The following KRT6C variants were observed in gnomAD, a reference collection of about 807,000 sequenced individuals.
KRT6C encodes the protein keratin, type II cytoskeletal 6C.
KRT6C carries 46 observed loss-of-function variants against 49.4 expected under a neutral mutation model. The ratio of observed to expected loss-of-function variants is 0.93; its 90% CI spans 0.74 to 1.19. The LOEUF (loss-of-function observed/expected upper bound fraction) is 1.19. KRT6C is among the 50% of genes most tolerant of loss of function. KRT6C has a pLI of 0.00. For missense variants in KRT6C, 552 were observed against 737.5 expected (o/e 0.75, Z 2.91); for synonymous variants, 236 against 297.1 (o/e 0.79, Z 2.12).
In KRT6C at chr12:52,472,130, C is replaced by A. The variant is rs777249121; in HGVS notation, c.691G>T (p.Glu231Ter). 3.2e-6 allele frequency: 5 copies of A among 1,556,682 alleles called. No homozygotes were observed. The highest frequency in any genetic ancestry group is 2.2e-5 in the South Asian group (2 of 90,088). ...AGCTCCGAGTCCAGGCGGCCCCGTT[C>A]CCCGACGATGCTGTCCAGCTGCCTC... ...LRRQLDSIVG[E>*]RGRLDSELRN... Residue 231 changes from glutamate to a stop codon, truncating the protein, a stop_gained, in exon 2 of 9, where the codon GAA becomes TAA. Coordinates refer to ENST00000252250, the MANE Select transcript of KRT6C (RefSeq NM_173086.5). LOFTEE classifies it high-confidence loss of function.
At chr12:52,470,347 C>A in intron 6 of KRT6C, 158 bp downstream of exon 6, 1 of 1,335,580 alleles carries the variant, frequency 7.5e-7, no homozygotes, top group Non-Finnish European at 1.1e-6. Flanking sequence ...GGGTGGGATT[C>A]ACTTCTCTAT....
Position 52,472,252 on chromosome 12 carries a change from A to T in KRT6C, c.569T>A (p.Val190Asp). ...KVRFLEQQNKVLDTKWTLLQE... is the reference protein window; with the variant it reads ...KVRFLEQQNKDLDTKWTLLQE... ...CAGCAGGGTCCACTTGGTGTCCAGA[A>T]CCTTGTTCTGCTGCTCTAGGAACCG... The change falls in exon 2 of 9, where the codon GTT (valine) becomes GAT (aspartate). Residue 190 changes from valine to aspartate, a missense_variant. Val to Asp is a radical substitution (Grantham distance 152, BLOSUM62 -3). Coordinates refer to ENST00000252250, the MANE Select transcript of KRT6C (RefSeq NM_173086.5). 1 of 1,424,418 alleles carries T rather than the reference A, an allele frequency of 7.0e-7. No individual in the cohort carries two copies. Among genetic ancestry groups the T allele is most frequent in the Non-Finnish European group, 9.7e-7 (1 of 1,030,488 alleles). 88.2% of individuals were successfully genotyped at this position (1,424,418 alleles called of 1,614,324 possible).
Position 52,473,755 on chromosome 12 carries a change from G to T in KRT6C, c.-18C>A. 1 of 1,614,166 alleles carries T rather than the reference G, an allele frequency of 6.2e-7. No individual in the cohort carries two copies. The highest frequency in any genetic ancestry group is 8.5e-7 in the Non-Finnish European group (1 of 1,180,050). ...CTGGCCATGGTTCCAGGAGATGAGAGGGCTGTGGCGAGCGTTGGAGGCTGG... is the reference window on the plus strand; with the variant it reads ...CTGGCCATGGTTCCAGGAGATGAGATGGCTGTGGCGAGCGTTGGAGGCTGG... On this transcript the variant is annotated 5_prime_UTR_variant, in exon 1 of 9. Coordinates refer to ENST00000252250, the MANE Select transcript of KRT6C (RefSeq NM_173086.5).
In KRT6C at chr12:52,469,213, T is replaced by G. The variant is rs142242212; in HGVS notation, c.1544A>C (p.Tyr515Ser). Reference sequence around the variant, plus strand: ...AATGCCAAGACCACTGCCATAGGAGTAGCTGCTTCCTCCACCCAGGCCTAA... The same window carrying G: ...AATGCCAAGACCACTGCCATAGGAGGAGCTGCTTCCTCCACCCAGGCCTAA... ...SGLGLGGGSSYSYGSGLGIGG... is the reference protein window; with the variant it reads ...SGLGLGGGSSSSYGSGLGIGG... Residue 515 changes from tyrosine to serine, a missense_variant, in exon 9 of 9, where the codon TAC becomes TCC. Transcript: ENST00000252250. The G allele has an allele frequency of 5.7e-5, 92 of 1,613,800 alleles. 1 individual carries two copies. The East Asian group carries it at 7.8e-4, about 14-fold the overall frequency.
Position 52,473,400 on chromosome 12 carries a change from C to T in KRT6C, c.338G>A (p.Gly113Asp). Residue 113 changes from glycine (G) to aspartate (D), a missense_variant, in exon 1 of 9, where the codon GGT (glycine) becomes GAT (aspartate). This residue lies in a region of KRT6C where 54 missense variants were observed against 195.9 expected (regional missense o/e 0.28). Coordinates refer to ENST00000252250, the MANE Select transcript of KRT6C (RefSeq NM_173086.5). The stretch of plus-strand genomic sequence containing the variant: ...GCCACCAGCAAGGCCGGCTCCACCA[C>T]CCAGACCAAAGCCAATGCCGGCTCC... ...GGGAGIGFGL[G>D]GGAGLAGGFG... The T allele has an allele frequency of 1.5e-6, 2 of 1,349,634 alleles. No individual in the cohort carries two copies. Among genetic ancestry groups the T allele is most frequent in the Non-Finnish European group, 2.0e-6 (2 of 975,858 alleles). 83.6% of individuals were successfully genotyped at this position (1,349,634 alleles called of 1,614,324 possible). A position where few individuals can be genotyped will look rare whatever the true frequency, so the allele number is the denominator to read the frequency against.
At position 52,469,795 on chromosome 12, in the gene KRT6C, G is replaced by A; in HGVS notation, c.1299C>T (p.Ala433=). The change falls in exon 7 of 9, where the codon GCC becomes GCT. Residue 433 remains alanine (A), a synonymous_variant. Coordinates refer to ENST00000252250, the MANE Select transcript of KRT6C (RefSeq NM_173086.5). ...AKNKLEGLED[A]LQKAKQDLAR... is the part of the protein sequence containing the mutation. ...CCAGGTCCTGCTTGGCCTTCTGCAG[G>A]GCATCCTCCAGCCCTTCCAGCTTGT... 3 of 1,614,078 alleles carry A rather than the reference G, an allele frequency of 1.9e-6. No homozygotes were observed. The highest frequency in any genetic ancestry group is 2.5e-6 in the Non-Finnish European group (3 of 1,179,994).
intron 6 of KRT6C, 91 bp downstream of exon 6, chr12:52,470,414 G>T: frequency 6.2e-7 from 1 of 1,608,278 alleles, no homozygotes. Context: ...GTTGGTTTAC[G>T]TTTCAGGAAT....
At chr12:52,470,347 C>T in intron 6 of KRT6C, 158 bp downstream of exon 6, 1 of 1,335,580 alleles carries the variant, frequency 7.5e-7, no homozygotes, top group Non-Finnish European at 1.1e-6. Flanking sequence ...GGGTGGGATT[C>T]ACTTCTCTAT....
Position 52,471,697 on chromosome 12 carries a change from T to C in KRT6C, c.791A>G (p.Glu264Gly). The C allele has an allele frequency of 1.2e-6, 2 of 1,613,540 alleles. No individual in the cohort carries two copies. ...CTTCTTCAGAGTCACAAATTCATTC[T>C]CTGCTGCTGTGCGCTTGTTGATTTC... Reference protein sequence around the residue: ...EDEINKRTAAENEFVTLKKDV... With the variant: ...EDEINKRTAAGNEFVTLKKDV... The change falls in exon 3 of 9, where the codon GAG becomes GGG. Residue 264 changes from glutamate to glycine, a missense_variant. Coordinates refer to ENST00000252250, the MANE Select transcript of KRT6C (RefSeq NM_173086.5).
chr12:52,469,035 G>C lies in KRT6C; in HGVS notation c.*27C>G. On this transcript the variant is annotated 3_prime_UTR_variant, in exon 9 of 9. Transcript: ENST00000252250. ...GCAGCCAGAGAAGGGCCTGAGGACT[G>C]TGGGACCGAGAGCTGGAGGCAGCAC... 3.1e-6 allele frequency: 5 copies of C among 1,614,040 alleles called. No homozygotes were observed. The highest frequency in any genetic ancestry group is 4.2e-6 in the Non-Finnish European group (5 of 1,179,958).
At chr12:52,470,167 G>A in intron 6 of KRT6C, 1 of 604,278 alleles carries the variant, frequency 1.7e-6, no homozygotes, top group Non-Finnish European at 2.9e-6. Context: ...GAAGATGAAT[G>A]CTCGGTTTGT....
At chr12:52,471,048 G>T in intron 5 of KRT6C, 84 bp downstream of exon 5, 2 of 1,609,952 alleles carry the variant, frequency 1.2e-6, no homozygotes, top group Non-Finnish European at 1.7e-6. Flanking sequence ...TCCTGTCAGG[G>T]GATGTCCCCA....
chr12:52,470,618 G>T lies in KRT6C; in HGVS notation c.1090C>A (p.Gln364Lys). 1 of 1,613,986 alleles carries T rather than the reference G, an allele frequency of 6.2e-7. No individual in the cohort carries two copies. Among genetic ancestry groups the T allele is most frequent in the Middle Eastern group, 1.6e-4 (1 of 6,062 alleles). ...SWYQTKYEELQVTAGRHGDDL... is the reference protein window; with the variant it reads ...SWYQTKYEELKVTAGRHGDDL... The stretch of plus-strand genomic sequence containing the variant: ...TCCCCATGTCTGCCTGCTGTGACCT[G>T]CAGCTCCTCGTACTGCAGCCCAGAG... Residue 364 changes from glutamine (Q) to lysine (K), a missense_variant, in exon 6 of 9, where the codon CAG becomes AAG. Around this residue, in one of 3 missense-constraint regions of KRT6C, gnomAD observed 425 missense variants for 439.4 expected, o/e 0.97. Coordinates refer to ENST00000252250, the MANE Select transcript of KRT6C (RefSeq NM_173086.5).
chr12:52,468,928 A>G lies in KRT6C; in HGVS notation c.*134T>C. 1 of 1,098,672 alleles carries G rather than the reference A, an allele frequency of 9.1e-7. No individual in the cohort carries two copies. The highest frequency in any genetic ancestry group is 1.5e-5 in the South Asian group (1 of 66,414). 68.1% of individuals were successfully genotyped at this position (1,098,672 alleles called of 1,614,324 possible). ...ATAGACAGAGAGAAGTGAGGGCACT[A>G]AGCATCCATACCCAGCTCTACCTCG... On this transcript the variant is annotated 3_prime_UTR_variant, in exon 9 of 9. Coordinates refer to ENST00000252250, the MANE Select transcript of KRT6C (RefSeq NM_173086.5).
chr12:52,471,939 G>A (rs1937893150), intron 2 of KRT6C, 127 bp downstream of exon 2: 2 of 1,137,086 alleles, frequency 1.8e-6, no homozygotes, highest in South Asian at 1.3e-5. Context: ...GTTCTTGCAG[G>A]TTTGCTCCTA....
intron 7 of KRT6C, 68 bp from the exon 8 acceptor site, chr12:52,469,513 G>T: frequency 6.2e-7 from 1 of 1,613,708 alleles, no homozygotes; most frequent in South Asian, 1.1e-5. Context: ...AGTGTGGGCA[G>T]CCTCGGTGGG....
rs761675419 is a variant in KRT6C at position 52,471,481 on chromosome 12, C to A, written c.852G>T (p.Leu284=). 6.8e-6 allele frequency: 11 copies of A among 1,613,810 alleles called. No individual in the cohort carries two copies. The South Asian group carries it at 1.1e-4, about 16-fold the overall frequency. ...VDAAYMNKVE[L]QAKADTLTDE... ...CTGTGAGAGTGTCTGCCTTGGCTTG[C>A]AGTTCAACCTTGTTCATGTAGGCAG... Residue 284 remains leucine (L), a synonymous_variant, in exon 4 of 9, where the codon CTG becomes CTT. Transcript: ENST00000252250.
chr12:52,470,024 T>C, intron 6 of KRT6C, 134 bp from the exon 7 acceptor site: 2 of 1,059,034 alleles, frequency 1.9e-6, no homozygotes, highest in Non-Finnish European at 2.8e-6. Flanking sequence ...CCAGTATTTC[T>C]CCATTTGGCA....
chr12:52,469,533 C>A lies in KRT6C; in HGVS notation c.1425-88G>T, dbSNP rs1035664404. 26 of 1,612,630 alleles carry A rather than the reference C, an allele frequency of 1.6e-5. 1 individual carries two copies. Among genetic ancestry groups the A allele is most frequent in the South Asian group, 2.2e-5 (2 of 90,982 alleles). On this transcript the variant is annotated intron_variant, in intron 7 of 8. Transcript: ENST00000252250. ...GGGCAGCCTCGGTGGGTGGAAGAGT[C>A]CATGGGAAACTGCTCTTTTAGTTTT...
Sources: allele counts gnomAD v4.1 joint callset, GRCh38; gene constraint gnomAD v4.1.1; regional missense constraint gnomAD v4.1.1; transcripts MANE v1.5; gene names NCBI Gene and HGNC (gene_info 2026-07-23, HGNC 2026-07-21).